ZNF48: variants seen among roughly 807,000 people sequenced by gnomAD.
The protein encoded by ZNF48 is zinc finger protein 48.
ZNF48 carries 20 observed loss-of-function variants against 40.0 expected under a neutral mutation model. That is an observed-to-expected ratio of 0.50 (90% CI 0.35 to 0.73). The LOEUF (loss-of-function observed/expected upper bound fraction) is 0.73. ZNF48 is among the 30% of genes least tolerant of loss of function. The probability of loss-of-function intolerance (pLI) is 0.01; values close to 1 mark genes in which losing one functional copy is unlikely to be tolerated. For synonymous variants in ZNF48, 298 were observed against 329.7 expected (o/e 0.90, Z 1.04); for missense variants, 726 against 851.9 (o/e 0.85, Z 1.84).
chr16:30,398,360 C>T lies in ZNF48; in HGVS notation c.1110C>T (p.Leu370=). 1 of 1,613,276 alleles carries T rather than the reference C, an allele frequency of 6.2e-7. No homozygotes were observed. The change falls in exon 3 of 3, where the codon CTC becomes CTT. Residue 370 remains leucine (L), a synonymous_variant. Transcript: ENST00000613509. This position sits in a 1 kb window ranked among gnomAD's most constrained non-coding sequence, Gnocchi z 6.6. ...CGGAATGCGACCGTACCTTCAGCCT[C>T]AGCTCCACCCTTCTTCGCCACCGCC... ...ACPECDRTFS[L]SSTLLRHRLT... is the part of the protein sequence containing the mutation.
chr16:30,378,641 G>C (rs767169336), intron 1 of ZNF48: 1 of 1,610,770 alleles, frequency 6.2e-7, no homozygotes, highest in Admixed American at 1.7e-5. Context: ...CAGCTTCTCG[G>C]TGTCCGCCAG....
Position 30,398,735 on chromosome 16 carries a change from C to A in ZNF48, c.1485C>A (p.Val495=). ...GKGFADSSAR[V]KHLRTHRGER... is the part of the protein sequence containing the mutation. Reference sequence around the variant, plus strand: ...GTTTTGCTGACAGCTCAGCCCGAGTCAAGCACCTCCGCACCCACCGTGGTG... The same window carrying A: ...GTTTTGCTGACAGCTCAGCCCGAGTAAAGCACCTCCGCACCCACCGTGGTG... Residue 495 remains valine (V), a synonymous_variant, in exon 3 of 3, where the codon GTC becomes GTA. Coordinates refer to ENST00000613509, the MANE Select transcript of ZNF48 (RefSeq NM_001214909.2). This position sits in a 1 kb window ranked among gnomAD's most constrained non-coding sequence, Gnocchi z 6.6. 1 of 1,613,960 alleles carries A rather than the reference C, an allele frequency of 6.2e-7. No homozygotes were observed. Among genetic ancestry groups the A allele is most frequent in the South Asian group, 1.1e-5 (1 of 91,078 alleles).
upstream of ZNF48, among the ~76,000 whole-genome samples, chr16:30,390,702 G>T (rs1233484335): frequency 1.5e-5 from 2 of 133,596 alleles, no homozygotes; most frequent in African/African-American, 2.8e-5. Context: ...CTCACTGCAA[G>T]CTCCGCCTCC....
At position 30,395,857 on chromosome 16, in the gene ZNF48, G is replaced by C; in HGVS notation, c.63G>C (p.Gln21His). The change falls in exon 2 of 3, where the codon CAG becomes CAC. Residue 21 changes from glutamine to histidine, a missense_variant. Gln to His is a conservative substitution (Grantham distance 24). Transcript: ENST00000613509. The surrounding 1 kb of genome is among the most constrained non-coding windows in gnomAD (Gnocchi z 5.9). ...ACCGCCCGGAGGAGAGGGAGCCACA[G>C]AGAGGCGCCCGCACAGGTGAGGGCC... ...DLHRPEEREP[Q>H]RGARTGLGSE... 1 of 1,544,478 alleles carries C rather than the reference G, an allele frequency of 6.5e-7. No individual in the cohort carries two copies. Among genetic ancestry groups the C allele is most frequent in the Non-Finnish European group, 8.7e-7 (1 of 1,149,850 alleles).
At chr16:30,387,162 C>T (rs1227212418) in intron 1 of ZNF48, among the ~76,000 whole-genome samples, 1 of 148,118 alleles carries the variant, frequency 6.8e-6, no homozygotes, top group Non-Finnish European at 1.5e-5. Flanking sequence ...CCAGGATGGT[C>T]TCGATCTCCT....
rs1412420650 is a variant in ZNF48, at chr16:30,397,008, A to G, written c.80-322A>G. On this transcript the variant is annotated intron_variant, in intron 2 of 2. Coordinates refer to ENST00000613509, the MANE Select transcript of ZNF48 (RefSeq NM_001214909.2). This position sits in a 1 kb window ranked among gnomAD's most constrained non-coding sequence, Gnocchi z 4.1. ...TGCTGGCCTGGCTTTGCTACTTTCT[A>G]ACCTTTATAACCTCCAGCAAAAGGA... 6.6e-6 allele frequency among the ~76,000 whole-genome samples: 1 copy of G among 151,986 alleles called. No homozygotes were observed. Among genetic ancestry groups the G allele is most frequent in the Non-Finnish European group, 1.5e-5 (1 of 67,998 alleles).
In ZNF48 at chr16:30,397,918, G is replaced by C. The variant is rs2151118599; in HGVS notation, c.668G>C (p.Gly223Ala). ...THTGEKPYKC[G>A]ICGKGFGDSS... is the part of the protein sequence containing the mutation. ...ACTGGTGAGAAGCCCTACAAGTGTG[G>C]CATATGTGGCAAGGGCTTTGGCGAC... The change falls in exon 3 of 3, where the codon GGC (glycine) becomes GCC (alanine). Residue 223 changes from glycine (G) to alanine (A), a missense_variant. Gly to Ala is a moderately conservative substitution (Grantham distance 60, BLOSUM62 0). Transcript: ENST00000613509. This position sits in a 1 kb window ranked among gnomAD's most constrained non-coding sequence, Gnocchi z 4.1. The C allele has an allele frequency of 6.2e-7, 1 of 1,612,892 alleles. No homozygotes were observed. Among genetic ancestry groups the C allele is most frequent in the African/African-American group, 1.3e-5 (1 of 74,948 alleles).
intron 1 of ZNF48, among the ~76,000 whole-genome samples, chr16:30,388,166 G>T (rs2049915863): frequency 6.6e-6 from 1 of 151,814 alleles, no homozygotes; most frequent in African/African-American, 2.4e-5. Context: ...TAGAGATGGG[G>T]TTTCTCAGTG....
intron 1 of ZNF48, chr16:30,379,031 G>T: frequency 6.2e-7 from 1 of 1,612,782 alleles, no homozygotes. Context: ...CGGCTGGCTC[G>T]ATCGCGAGCC....
chr16:30,393,395 A>T (rs979272585), upstream of ZNF48, among the ~76,000 whole-genome samples: 3 of 148,128 alleles, frequency 2.0e-5, no homozygotes, highest in African/African-American at 7.5e-5. Flanking sequence ...TTATTTATTT[A>T]TTTTTTTGAG....
chr16:30,382,037 T>G lies in ZNF48; in HGVS notation c.-16+3627T>G, dbSNP rs1056658154. The G allele has an allele frequency of 7.5e-6, 12 of 1,590,546 alleles. No individual in the cohort carries two copies. The Admixed American group carries it at 1.4e-4, about 19-fold the overall frequency. On this transcript the variant is annotated intron_variant, in intron 1 of 2. Transcript: ENST00000528032. The surrounding 1 kb of genome is among the most constrained non-coding windows in gnomAD (Gnocchi z 4.8). Reference sequence around the variant, plus strand: ...ACCTGAGTCCCCAGATGGAAAAGACTAGGGTGTAACCTGGGGACAGGGGCT... The same window carrying G: ...ACCTGAGTCCCCAGATGGAAAAGACGAGGGTGTAACCTGGGGACAGGGGCT...
chr16:30,379,209 C>A (rs2049803021), intron 1 of ZNF48: 1 of 1,612,642 alleles, frequency 6.2e-7, no homozygotes, highest in Non-Finnish European at 8.5e-7. Context: ...CGCGGACCAG[C>A]GAACGTCAGG....
At chr16:30,379,042 C>G in intron 1 of ZNF48, 1 of 1,613,534 alleles carries the variant, frequency 6.2e-7, no homozygotes, top group Non-Finnish European at 8.5e-7. Context: ...ATCGCGAGCC[C>G]CAGGCCGGGC....
chr16:30,389,090 C>G (rs535113672), intron 1 of ZNF48, among the ~76,000 whole-genome samples: 5 of 151,928 alleles, frequency 3.3e-5, no homozygotes, highest in African/African-American at 1.2e-4. Flanking sequence ...GAAACTCTGT[C>G]TCTACTAAAA....
intron 1 of ZNF48, chr16:30,379,190 G>A (rs375701584): frequency 4.3e-6 from 7 of 1,613,674 alleles, no homozygotes; most frequent in South Asian, 2.2e-5. Flanking sequence ...TCCACTGGAG[G>A]GGGGGCGGCG....
upstream of ZNF48, among the ~76,000 whole-genome samples, chr16:30,391,402 C>A (rs1482243528): frequency 6.6e-6 from 1 of 150,900 alleles, no homozygotes; most frequent in Non-Finnish European, 1.5e-5. Flanking sequence ...GTTGGTCAGG[C>A]TGGTCTCCAA....
intron 1 of ZNF48, among the ~76,000 whole-genome samples, chr16:30,385,035 G>T (rs2049889348): frequency 6.6e-6 from 1 of 152,012 alleles, no homozygotes; most frequent in Non-Finnish European, 1.5e-5. Context: ...AATTAGCAGG[G>T]CGTGATGGCG....
intron 1 of ZNF48, among the ~76,000 whole-genome samples, chr16:30,388,458 A>G (rs1417282810): frequency 1.3e-5 from 2 of 152,024 alleles, no homozygotes; most frequent in Non-Finnish European, 2.9e-5. Flanking sequence ...AACTCACACA[A>G]TCCTCCCTTC....
At chr16:30,383,207 G>A (rs2049872918) in intron 1 of ZNF48, among the ~76,000 whole-genome samples, 1 of 151,914 alleles carries the variant, frequency 6.6e-6, no homozygotes, top group South Asian at 2.1e-4. Flanking sequence ...TTCTTTTTTT[G>A]AGACGGAGTC....
Sources: allele counts gnomAD v4.1 joint callset (sites outside exome capture counted in the v4.1 genomes callset), GRCh38; gene constraint gnomAD v4.1.1; non-coding constraint Gnocchi (gnomAD v3.1); transcripts MANE v1.5; gene names NCBI Gene and HGNC (gene_info 2026-07-23, HGNC 2026-07-21).